RAB38: variants seen among roughly 807,000 people sequenced by gnomAD.
The protein encoded by RAB38 is ras-related protein Rab-38.
RAB38 carries 15 observed loss-of-function variants against 18.4 expected under a neutral mutation model. The ratio of observed to expected loss-of-function variants is 0.82; its 90% confidence interval spans 0.55 to 1.26. The LOEUF (loss-of-function observed/expected upper bound fraction) is 1.26, where lower values mean the gene tolerates loss of function less well. RAB38 is among the 50% of genes most tolerant of loss of function. The pLI, the probability that RAB38 is intolerant of heterozygous loss-of-function variation, is 0.00. For missense variants in RAB38, 294 were observed against 267.4 expected, an observed-to-expected ratio of 1.10 and a Z score of -0.69; for synonymous variants, 101 against 104.4, an observed-to-expected ratio of 0.97 and a Z score of 0.20.
At chr11:88,048,065 G>T in the RAB38 span, among the ~76,000 whole-genome samples, 1 of 152,114 alleles carries the variant, frequency 6.6e-6, no homozygotes, top group South Asian at 2.1e-4. Context: ...TGCTCCATCT[G>T]CAATTCTACT....
At chr11:88,003,720 A>AAT in the RAB38 span, among the ~76,000 whole-genome samples, 1 of 2,068 alleles carries the variant, frequency 4.8e-4, no homozygotes, top group African/African-American at 3.8e-3. Flanking sequence ...TATTATATAT[A>AAT]ATATATAATA....
the RAB38 span, among the ~76,000 whole-genome samples, chr11:87,916,974 G>T: frequency 3.3e-5 from 5 of 152,116 alleles, no homozygotes; most frequent in African/African-American, 9.7e-5. Context: ...GAGAGAAGGG[G>T]TTAGCATACC....
chr11:88,049,001 A>C, the RAB38 span, among the ~76,000 whole-genome samples: 8 of 152,146 alleles, frequency 5.3e-5, no homozygotes, highest in African/African-American at 1.9e-4. Flanking sequence ...ATAATTCTAT[A>C]CGACAAATAT....
chr11:88,034,546 G>C, the RAB38 span, among the ~76,000 whole-genome samples: 1 of 152,210 alleles, frequency 6.6e-6, no homozygotes. Flanking sequence ...CATTATGACA[G>C]ATATGTTATG....
At chr11:88,110,384 C>A (rs1942457346), downstream of RAB38, among the ~76,000 whole-genome samples, 1 of 151,716 alleles carries the variant, frequency 6.6e-6, no homozygotes, top group Non-Finnish European at 1.5e-5. Context: ...GGGTGGGGGG[C>A]CAGGGAAGGG....
At chr11:87,870,825 G>A in the RAB38 span, among the ~76,000 whole-genome samples, 4 of 151,666 alleles carry the variant, frequency 2.6e-5, no homozygotes, top group Admixed American at 1.3e-4. Flanking sequence ...TGGTGTTTGT[G>A]TATGGAATAA....
At chr11:87,878,214 T>TAG in the RAB38 span, among the ~76,000 whole-genome samples, 1 of 119,456 alleles carries the variant, frequency 8.4e-6, no homozygotes, top group Non-Finnish European at 1.6e-5. Context: ...CATATATATA[T>TAG]ATATATATAC....
intron 2 of RAB38, among the ~76,000 whole-genome samples, chr11:88,120,749 T>A (rs11018514): frequency 6.6e-6 from 1 of 151,936 alleles, no homozygotes; most frequent in Non-Finnish European, 1.5e-5. Flanking sequence ...TATTTCAAAT[T>A]TTTCTTACCT....
At chr11:88,138,445 A>G (rs1390007079) in intron 2 of RAB38, among the ~76,000 whole-genome samples, 1 of 152,206 alleles carries the variant, frequency 6.6e-6, no homozygotes, top group Non-Finnish European at 1.5e-5. Context: ...CTCATCTAGA[A>G]AAGCAAATTA....
chr11:88,022,318 C>CA, the RAB38 span, among the ~76,000 whole-genome samples: 10,698 of 143,952 alleles, frequency 0.074, 671 homozygotes, highest in African/African-American at 0.18. Context: ...AAAAAACCCT[C>CA]AAAAAAAAAA....
chr11:87,972,008 A>C, the RAB38 span, among the ~76,000 whole-genome samples: 4 of 152,034 alleles, frequency 2.6e-5, no homozygotes, highest in Admixed American at 2.6e-4. Context: ...GTGTAGACAC[A>C]TTAACAGTTG....
At chr11:87,917,598 A>C in the RAB38 span, among the ~76,000 whole-genome samples, 81 of 150,306 alleles carry the variant, frequency 5.4e-4, no homozygotes, top group Non-Finnish European at 1.1e-3. Context: ...CAGGTCTTAA[A>C]ATGCATGCTG....
At chr11:88,043,609 C>CA in the RAB38 span, among the ~76,000 whole-genome samples, 9 of 141,392 alleles carry the variant, frequency 6.4e-5, no homozygotes, top group East Asian at 1.9e-3. Flanking sequence ...GTGACCCCCC[C>CA]ACCCTGCCCA....
chr11:87,978,015 A>G, the RAB38 span, among the ~76,000 whole-genome samples: 3 of 95,532 alleles, frequency 3.1e-5, no homozygotes, highest in Non-Finnish European at 4.0e-5. Context: ...AATATTATAT[A>G]AATATATACT....
chr11:87,912,762 C>CTTTTTTTTTTTTTTTTT, the RAB38 span, among the ~76,000 whole-genome samples: 2 of 86,558 alleles, frequency 2.3e-5, no homozygotes, highest in Non-Finnish European at 4.6e-5. Flanking sequence ...AATTTTCTTT[C>CTTTTTTTTTTTTTTTTT]TTTCTTTTTT....
intron 1 of RAB38, among the ~76,000 whole-genome samples, chr11:88,153,820 T>C (rs1943092314): frequency 1.3e-5 from 2 of 152,334 alleles, no homozygotes; most frequent in South Asian, 2.1e-4. Context: ...TATTTCTTTT[T>C]TTCCCCCCAA....
chr11:88,174,634 A>C (rs913414972), intron 1 of RAB38, among the ~76,000 whole-genome samples: 3 of 149,412 alleles, frequency 2.0e-5, no homozygotes, highest in African/African-American at 2.4e-5. Flanking sequence ...AAAAAAAAAA[A>C]AAAAAAACAA....
chr11:88,049,779 G>A, the RAB38 span, among the ~76,000 whole-genome samples: 2 of 152,216 alleles, frequency 1.3e-5, no homozygotes, highest in Non-Finnish European at 2.9e-5. Flanking sequence ...ATGGATGCAA[G>A]TGAAAGGGAT....
chr11:87,882,479 A>G, the RAB38 span, among the ~76,000 whole-genome samples: 1 of 151,884 alleles, frequency 6.6e-6, no homozygotes, highest in Non-Finnish European at 1.5e-5. Context: ...ATCAATCTGC[A>G]GATTGTTTGA....
Sources: gnomAD v4.1 joint callset for allele counts (sites outside exome capture counted in the v4.1 genomes callset) on GRCh38, gnomAD v4.1.1 for gene constraint, MANE v1.5 for transcripts, NCBI Gene and HGNC (gene_info 2026-07-23, HGNC 2026-07-21) for gene names.